Variants in GABRG3 observed in about 807,000 individuals in gnomAD.
GABRG3 encodes gamma-aminobutyric acid receptor subunit gamma-3.
Under a neutral mutation model 48.8 loss-of-function variants are expected in GABRG3, and 25 were observed. The ratio of observed to expected loss-of-function variants is 0.51; its 90% confidence interval spans 0.37 to 0.72. GABRG3 has a LOEUF of 0.72. Among genes scored for constraint, GABRG3 ranks in the 30% least tolerant of loss-of-function variants. GABRG3 has a pLI of 0.00. For synonymous variants in GABRG3, 227 were observed against 217.6 expected, an observed-to-expected ratio of 1.04 and a Z score of -0.38; for missense variants, 394 against 577.9, an observed-to-expected ratio of 0.68 and a Z score of 3.26.
rs1469120252 is a variant in GABRG3 at position 26,975,666 on chromosome 15, A to G, written c.54-1336A>G. ...ATGAATATGAAATTTTATTTTTTAA[A>G]TTAACATCTTGTTAATTATAGATAA... On this transcript the variant is annotated intron_variant, in intron 1 of 9. Coordinates refer to ENST00000615808, the MANE Select transcript of GABRG3 (RefSeq NM_033223.5). The surrounding 1 kb of genome is among the most constrained non-coding windows in gnomAD (Gnocchi z 4.6). Among the ~76,000 whole-genome samples, 1 of 152,232 alleles carries G rather than the reference A, an allele frequency of 6.6e-6. No individual in the cohort carries two copies. The highest frequency in any genetic ancestry group is 1.5e-5 in the Non-Finnish European group (1 of 68,040).
chr15:27,022,810 T>C (rs1223655772), intron 2 of GABRG3, among the ~76,000 whole-genome samples: 1 of 151,818 alleles, frequency 6.6e-6, no homozygotes, highest in African/African-American at 2.4e-5. Context: ...TCCACCAAGC[T>C]CTCCTCACTG....
intron 3 of GABRG3, among the ~76,000 whole-genome samples, chr15:27,210,709 G>A (rs1889050833): frequency 6.6e-6 from 1 of 152,178 alleles, no homozygotes; most frequent in Non-Finnish European, 1.5e-5. Flanking sequence ...GTGTCAGCAG[G>A]GTGGGAGGTG....
intron 3 of GABRG3, among the ~76,000 whole-genome samples, chr15:27,227,498 C>CA (rs1171776508): frequency 6.6e-6 from 1 of 151,460 alleles, no homozygotes; most frequent in African/African-American, 2.4e-5. Context: ...GATTCTGTCT[C>CA]AAAAAAATAA....
chr15:26,981,195 T>C (rs192912424), intron 2 of GABRG3, among the ~76,000 whole-genome samples: 4 of 152,318 alleles, frequency 2.6e-5, no homozygotes, highest in Admixed American at 1.3e-4. Context: ...TTAACCATTG[T>C]GTTTTAGGTT....
chr15:27,135,895 A>C (rs1898000133), intron 3 of GABRG3, among the ~76,000 whole-genome samples: 1 of 152,216 alleles, frequency 6.6e-6, no homozygotes, highest in South Asian at 2.1e-4. Context: ...ACAGAGCCAG[A>C]CTTTGTCTCC....
chr15:27,066,856 A>C (rs1243925897), intron 3 of GABRG3, among the ~76,000 whole-genome samples: 1 of 152,208 alleles, frequency 6.6e-6, no homozygotes, highest in Admixed American at 6.5e-5. Flanking sequence ...TTTCTTTAGA[A>C]TATCACATAG....
chr15:27,325,326 A>G (rs1305087775), intron 3 of GABRG3, among the ~76,000 whole-genome samples: 1 of 152,162 alleles, frequency 6.6e-6, no homozygotes, highest in Non-Finnish European at 1.5e-5. Context: ...ACATTCAGAC[A>G]GACACATGGA....
intron 3 of GABRG3, among the ~76,000 whole-genome samples, chr15:27,230,162 T>C (rs1347722872): frequency 6.6e-6 from 1 of 152,198 alleles, no homozygotes; most frequent in Non-Finnish European, 1.5e-5. Flanking sequence ...TGTGTGGCAA[T>C]TGTAAATGGG....
At chr15:27,020,836 G>T (rs1046079585) in intron 2 of GABRG3, among the ~76,000 whole-genome samples, 4 of 152,140 alleles carry the variant, frequency 2.6e-5, no homozygotes, top group Non-Finnish European at 5.9e-5. Context: ...TGTAACAGAT[G>T]ATTATTTTTA....
chr15:27,279,475 C>T (rs1891363698), intron 3 of GABRG3, among the ~76,000 whole-genome samples: 1 of 150,676 alleles, frequency 6.6e-6, no homozygotes, highest in Admixed American at 6.6e-5. Flanking sequence ...TCATTTTTTT[C>T]CCTATGGATA....
intron 5 of GABRG3, among the ~76,000 whole-genome samples, chr15:27,345,298 T>G (rs1461438757): frequency 6.6e-6 from 1 of 152,220 alleles, no homozygotes; most frequent in East Asian, 1.9e-4. Flanking sequence ...TCTGGTTTAA[T>G]TGAGCATTTT....
rs772138833 is a variant in GABRG3 at position 27,527,554 on chromosome 15, C to T, written c.987C>T (p.Ala329=). 33 of 1,613,790 alleles carry T rather than the reference C, an allele frequency of 2.0e-5. No homozygotes were observed. Among genetic ancestry groups the T allele is most frequent in the African/African-American group, 9.3e-5 (7 of 74,896 alleles). ...FVTVCFLFVF[A]ALMEYATLNY... is the part of the protein sequence containing the mutation. ...CCGTGTGCTTCCTGTTTGTCTTCGC[C>T]GCGCTGATGGAGTATGCCACCCTCA... Residue 329 remains alanine, a synonymous_variant, in exon 8 of 10, where the codon GCC becomes GCT. Transcript: ENST00000615808.
At chr15:27,159,027 C>T (rs372233478) in intron 3 of GABRG3, among the ~76,000 whole-genome samples, 75 of 152,254 alleles carry the variant, frequency 4.9e-4, no homozygotes, top group East Asian at 1.9e-3. Context: ...CTCTCCAAAC[C>T]GCTCACTTTG....
intron 3 of GABRG3, among the ~76,000 whole-genome samples, chr15:27,155,300 G>A (rs1029967849): frequency 1.3e-5 from 2 of 151,764 alleles, no homozygotes; most frequent in African/African-American, 4.8e-5. Flanking sequence ...TTTTTCATTT[G>A]TCTCAAGCAT....
intron 5 of GABRG3, among the ~76,000 whole-genome samples, chr15:27,346,148 G>A (rs1206063018): frequency 6.6e-6 from 1 of 151,132 alleles, no homozygotes; most frequent in Admixed American, 6.6e-5. Context: ...AAAGAAAGAA[G>A]GAAAAAGAAA....
intron 6 of GABRG3, among the ~76,000 whole-genome samples, chr15:27,510,711 C>T (rs73369576): frequency 0.051 from 7,770 of 152,254 alleles, 369 homozygotes; most frequent in African/African-American, 0.11. Flanking sequence ...TCCTCCAGCA[C>T]CTCATATGTA....
At chr15:27,094,988 T>G (rs1309987186) in intron 3 of GABRG3, among the ~76,000 whole-genome samples, 1 of 152,206 alleles carries the variant, frequency 6.6e-6, no homozygotes, top group Non-Finnish European at 1.5e-5. Context: ...TACCATAGTT[T>G]CTTTTCTTTA....
At chr15:27,018,908 C>G (rs916090135) in intron 2 of GABRG3, among the ~76,000 whole-genome samples, 2 of 152,020 alleles carry the variant, frequency 1.3e-5, no homozygotes, top group East Asian at 3.9e-4. Flanking sequence ...CAAATCTTCA[C>G]TGAGATGCTG....
intron 5 of GABRG3, among the ~76,000 whole-genome samples, chr15:27,385,284 A>G (rs552111854): frequency 1.5e-3 from 57 of 37,104 alleles, no homozygotes; most frequent in African/African-American, 6.6e-3. Context: ...TATTGTTTCT[A>G]TCATCATAGA....
Sources: allele counts gnomAD v4.1 joint callset (sites outside exome capture counted in the v4.1 genomes callset), GRCh38; gene constraint gnomAD v4.1.1; non-coding constraint Gnocchi (gnomAD v3.1); transcripts MANE v1.5; gene names NCBI Gene and HGNC (gene_info 2026-07-23, HGNC 2026-07-21).